Variants in ZNF853 observed in about 807,000 individuals in gnomAD.
The protein encoded by ZNF853 is zinc finger protein 853.
A neutral mutation model predicts 94.7 loss-of-function variants in ZNF853; 57 were observed. The observed-to-expected ratio is 0.60, with a 90% CI of 0.49 to 0.75. The LOEUF (loss-of-function observed/expected upper bound fraction) is 0.75. Among genes scored for constraint, ZNF853 ranks in the 30% least tolerant of loss-of-function variants. The pLI is 0.00. For synonymous variants in ZNF853, 448 were observed against 406.3 expected (o/e 1.10, Z -1.23); for missense variants, 785 against 868.9 (o/e 0.90, Z 1.21).
rs576284892 is a variant in ZNF853, at chr7:6,623,505, C to T, written c.*534C>T. Reference sequence around the variant, plus strand: ...GAGGCATTTGCCTTGAAAATACTTTCCAAGATGAAAATTCATCAGGGTGGG... The same window carrying T: ...GAGGCATTTGCCTTGAAAATACTTTTCAAGATGAAAATTCATCAGGGTGGG... On this transcript the variant is annotated 3_prime_UTR_variant, in exon 3 of 3. Coordinates refer to ENST00000457543, the MANE Select transcript of ZNF853 (RefSeq NM_017560.3). 2 of 396,860 alleles carry T rather than the reference C, an allele frequency of 5.0e-6. No homozygotes were observed. The highest frequency in any genetic ancestry group is 4.4e-5 in the Admixed American group (1 of 22,666). The allele number at this position is 396,860 out of a possible 1,614,324, so 24.6% of individuals were successfully genotyped here. A position where few individuals can be genotyped will look rare whatever the true frequency, so the allele number is the denominator to read the frequency against.
At chr7:6,619,888 G>A in intron 2 of ZNF853, among the ~76,000 whole-genome samples, 1 of 152,286 alleles carries the variant, frequency 6.6e-6, no homozygotes, top group Non-Finnish European at 1.5e-5. Flanking sequence ...AAAGTGTTGC[G>A]ATTACAAGCA....
In ZNF853 at chr7:6,623,064, G is replaced by A. The variant is rs1782672708; in HGVS notation, c.*93G>A. ...ACCCGGGTTCATGGGCGCTGGAGGCGTCCTGGAATATCCCTGGAGTAAAAG... is the reference window on the plus strand; with the variant it reads ...ACCCGGGTTCATGGGCGCTGGAGGCATCCTGGAATATCCCTGGAGTAAAAG... On this transcript the variant is annotated 3_prime_UTR_variant, in exon 3 of 3. Transcript: ENST00000457543. The A allele has an allele frequency of 9.0e-7, 1 of 1,109,462 alleles. No individual in the cohort carries two copies. The highest frequency in any genetic ancestry group is 1.1e-6 in the Non-Finnish European group (1 of 875,912). 68.7% of individuals were successfully genotyped at this position (1,109,462 alleles called of 1,614,324 possible).
At chr7:6,619,708 G>A in intron 2 of ZNF853, among the ~76,000 whole-genome samples, 2 of 152,186 alleles carry the variant, frequency 1.3e-5, no homozygotes, top group African/African-American at 2.4e-5. Context: ...AATCAGAGTT[G>A]GGAACGGAGA....
At chr7:6,621,018 G>T in intron 2 of ZNF853, 104 bp from the exon 3 acceptor site, 1 of 1,378,244 alleles carries the variant, frequency 7.3e-7, no homozygotes. Flanking sequence ...CTAAGAGCGT[G>T]TTAGTGTATC....
chr7:6,620,633 CTCTTT>C lies in ZNF853; in HGVS notation c.131-487_131-483del. Among the ~76,000 whole-genome samples the C allele has an allele frequency of 6.0e-3, 912 of 151,958 alleles. 12 individuals carry two copies. The highest frequency in any genetic ancestry group is 0.021 in the African/African-American group (870 of 41,402). On this transcript the variant is annotated intron_variant, in intron 2 of 2. Transcript: ENST00000457543. ...TCTCTCTCTCTCTTTCTCTCTCTCT[CTCTTT>C]TGAGATGGACTCTCCCTCTGTCACC...
chr7:6,621,118 ACAGGTGG>A lies in ZNF853; in HGVS notation c.131_137del (p.Gly44AlafsTer49). 1 of 1,462,424 alleles carries A rather than the reference ACAGGTGG, an allele frequency of 6.8e-7. No homozygotes were observed. Among genetic ancestry groups the A allele is most frequent in the Non-Finnish European group, 9.0e-7 (1 of 1,107,254 alleles). 90.6% of individuals were successfully genotyped at this position (1,462,424 alleles called of 1,614,324 possible). On this transcript the variant is annotated splice_acceptor_variant and splice_polypyrimidine_tract_variant and coding_sequence_variant and intron_variant, in exon 3 of 3. Coordinates refer to ENST00000457543, the MANE Select transcript of ZNF853 (RefSeq NM_017560.3). LOFTEE classifies it high-confidence loss of function. ...CTCTTGGCTTCCTGCCATTTCTTCC[ACAGGTGG>A]CAGCGGTGGGAGCGAGAGTCAGGAG... is the stretch of plus-strand genomic sequence containing the variant.
Position 6,621,277 on chromosome 7 carries a change from C to G in ZNF853, c.286C>G (p.Gln96Glu). The G allele has an allele frequency of 6.4e-7, 1 of 1,550,822 alleles. No homozygotes were observed. Among genetic ancestry groups the G allele is most frequent in the Non-Finnish European group, 8.7e-7 (1 of 1,146,438 alleles). Residue 96 changes from glutamine (Q) to glutamate (E), a missense_variant, in exon 3 of 3, where the codon CAG becomes GAG. Transcript: ENST00000457543. ...QRELQLQQLE[Q>E]QPEPQQQPQH... ...AGAGTTGCAACTGCAGCAGTTAGAA[C>G]AGCAGCCCGAGCCGCAGCAACAGCC... is the stretch of plus-strand genomic sequence containing the variant.
In ZNF853 at chr7:6,622,889, C is replaced by A; in HGVS notation, c.1898C>A (p.Ala633Asp). 7.9e-7 allele frequency: 1 copy of A among 1,266,530 alleles called. No individual in the cohort carries two copies. The allele number at this position is 1,266,530 out of a possible 1,614,324, so 78.5% of individuals were successfully genotyped here. The change falls in exon 3 of 3, where the codon GCC (alanine) becomes GAC (aspartate). Residue 633 changes from alanine to aspartate, a missense_variant. Transcript: ENST00000457543. ...TCCAGGGGCCTCGGCCTGCTGCGCGCCTCGCGGCCGGCGGCCCTCGGTGGC... is the reference window on the plus strand; with the variant it reads ...TCCAGGGGCCTCGGCCTGCTGCGCGACTCGCGGCCGGCGGCCCTCGGTGGC... ...GRSRGLGLLR[A>D]SRPAALGGPA...
In ZNF853 at chr7:6,622,920, C is replaced by CCG; in HGVS notation, c.1934_1935dup (p.Glu646ArgfsTer54). The CCG allele has an allele frequency of 2.4e-6, 3 of 1,248,058 alleles. No individual in the cohort carries two copies. Among genetic ancestry groups the CCG allele is most frequent in the African/African-American group, 1.6e-5 (1 of 63,942 alleles). The allele number at this position is 1,248,058 out of a possible 1,614,324, so 77.3% of individuals were successfully genotyped here. A position where few individuals can be genotyped will look rare whatever the true frequency, so the allele number is the denominator to read the frequency against. On this transcript the variant is annotated frameshift_variant, in exon 3 of 3. Coordinates refer to ENST00000457543, the MANE Select transcript of ZNF853 (RefSeq NM_017560.3). LOFTEE classifies it high-confidence loss of function. ...GGCCGGCGGCCCTCGGTGGCCCAGC[C>CCG]CGCGCGGAGCAGGCCGCTACAGCCA... is the stretch of plus-strand genomic sequence containing the variant.
chr7:6,623,054 C>A lies in ZNF853; in HGVS notation c.*83C>A. 8.6e-7 allele frequency: 1 copy of A among 1,159,926 alleles called. No homozygotes were observed. Among genetic ancestry groups the A allele is most frequent in the Non-Finnish European group, 1.1e-6 (1 of 921,884 alleles). 71.9% of individuals were successfully genotyped at this position (1,159,926 alleles called of 1,614,324 possible). ...AAGCTCCTTGACCCGGGTTCATGGG[C>A]GCTGGAGGCGTCCTGGAATATCCCT... is the stretch of plus-strand genomic sequence containing the variant. On this transcript the variant is annotated 3_prime_UTR_variant, in exon 3 of 3. Coordinates refer to ENST00000457543, the MANE Select transcript of ZNF853 (RefSeq NM_017560.3).
At chr7:6,618,484 G>T in intron 2 of ZNF853, among the ~76,000 whole-genome samples, 2 of 151,876 alleles carry the variant, frequency 1.3e-5, no homozygotes, top group African/African-American at 4.8e-5. Flanking sequence ...CGAGGCAGGT[G>T]GATCGCTTGA....
rs1400023864 is a variant in ZNF853 at position 6,622,936 on chromosome 7, G to A, written c.1945G>A (p.Ala649Thr). ...TGGCCCAGCCCGCGCGGAGCAGGCC[G>A]CTACAGCCACTGCGCCCGCAGACAA... is the stretch of plus-strand genomic sequence containing the variant. ...LGGPARAEQA[A>T]TATAPADKAL Residue 649 changes from alanine to threonine, a missense_variant, in exon 3 of 3, where the codon GCT (alanine) becomes ACT (threonine). By Grantham distance (58) the Ala-to-Thr change is moderately conservative. Transcript: ENST00000457543. 1.5e-5 allele frequency: 19 copies of A among 1,251,274 alleles called. No individual in the cohort carries two copies. The highest frequency in any genetic ancestry group is 3.3e-5 in the South Asian group (1 of 30,326). The allele number at this position is 1,251,274 out of a possible 1,614,324, so 77.5% of individuals were successfully genotyped here.
chr7:6,619,550 G>A, intron 2 of ZNF853, among the ~76,000 whole-genome samples: 5 of 152,096 alleles, frequency 3.3e-5, no homozygotes, highest in Admixed American at 2.0e-4. Flanking sequence ...GATTATAGGC[G>A]TGAGCCACCG....
At position 6,616,089 on chromosome 7, in the gene ZNF853, A is replaced by G. The variant is rs1782499609; in HGVS notation, c.-86A>G. On this transcript the variant is annotated 5_prime_UTR_variant, in exon 1 of 3. Coordinates refer to ENST00000457543, the MANE Select transcript of ZNF853 (RefSeq NM_017560.3). The stretch of plus-strand genomic sequence containing the variant: ...TCTTTCTGGATGGAGGCGCCTCCGG[A>G]AGGAGCCGGCTGCACGCCGTGGCCT... 1 of 1,405,328 alleles carries G rather than the reference A, an allele frequency of 7.1e-7. No homozygotes were observed. The highest frequency in any genetic ancestry group is 1.4e-5 in the African/African-American group (1 of 69,000). 87.1% of individuals were successfully genotyped at this position (1,405,328 alleles called of 1,614,324 possible).
rs1379344969 is a variant in ZNF853 at position 6,621,742 on chromosome 7, C to A, written c.751C>A (p.Gln251Lys). Residue 251 changes from glutamine to lysine, a missense_variant, in exon 3 of 3, where the codon CAG becomes AAG. Transcript: ENST00000457543. ...LLLLQQQGQL[Q>K]QQLLQQQQAQ... is the part of the protein sequence containing the mutation. ...ATTGCTGCAGCAGCAGGGACAGTTACAGCAGCAACTGTTGCAGCAGCAGCA... is the reference window on the plus strand; with the variant it reads ...ATTGCTGCAGCAGCAGGGACAGTTAAAGCAGCAACTGTTGCAGCAGCAGCA... The A allele has an allele frequency of 1.3e-6, 2 of 1,550,630 alleles. No individual in the cohort carries two copies. The highest frequency in any genetic ancestry group is 2.7e-5 in the African/African-American group (2 of 73,000).
rs570490921 is a variant in ZNF853, at chr7:6,621,916, C to T, written c.925C>T (p.Pro309Ser). Residue 309 changes from proline (P) to serine (S), a missense_variant, in exon 3 of 3, where the codon CCT becomes TCT. Transcript: ENST00000457543. ...ACAATTGCAGCAGCAACAACTGCAG[C>T]CTCCTCCCCTGGAGCCCGAGGAGGA... Reference protein sequence around the residue: ...QEQLQQQQLQPPPLEPEEEEE... With the variant: ...QEQLQQQQLQSPPLEPEEEEE... 10 of 1,551,112 alleles carry T rather than the reference C, an allele frequency of 6.4e-6. No individual in the cohort carries two copies. The East Asian group carries it at 2.4e-4, about 38-fold the overall frequency.
intron 1 of ZNF853, 23 bp from the exon 2 acceptor site, chr7:6,617,167 C>G: frequency 5.2e-6 from 8 of 1,530,624 alleles, no homozygotes; most frequent in Non-Finnish European, 7.0e-6. Context: ...CCTGGCTAAA[C>G]TGCTTCCTTC....
At chr7:6,617,661 A>T (rs529043928) in intron 2 of ZNF853, 1 of 985,240 alleles carries the variant, frequency 1.0e-6, no homozygotes, top group Non-Finnish European at 1.2e-6. Flanking sequence ...GATCCGATTC[A>T]GGTACTAATA....
chr7:6,619,506 G>A, intron 2 of ZNF853, among the ~76,000 whole-genome samples: 1 of 152,090 alleles, frequency 6.6e-6, no homozygotes, highest in East Asian at 1.9e-4. Context: ...TCCTGACCTC[G>A]TGATCCATCT....
Sources: gnomAD v4.1 joint callset for allele counts (sites outside exome capture counted in the v4.1 genomes callset) on GRCh38, gnomAD v4.1.1 for gene constraint, MANE v1.5 for transcripts, NCBI Gene and HGNC (gene_info 2026-07-23, HGNC 2026-07-21) for gene names.